Variants in ZNF383 observed in about 807,000 individuals in gnomAD.
ZNF383 encodes zinc finger protein 383.
A neutral mutation model predicts 44.2 loss-of-function variants in ZNF383; 32 were observed. The observed-to-expected ratio is 0.72, with a 90% CI of 0.55 to 0.97. ZNF383 has a LOEUF of 0.97. ZNF383 is among the 50% of genes least tolerant of loss of function. The probability of loss-of-function intolerance (pLI) is 0.00; values close to 1 mark genes in which losing one functional copy is unlikely to be tolerated. For synonymous variants in ZNF383, 155 were observed against 186.2 expected, an observed-to-expected ratio of 0.83 and a Z score of 1.36; for missense variants, 487 against 562.5, an observed-to-expected ratio of 0.87 and a Z score of 1.36.
intron 2 of ZNF383, among the ~76,000 whole-genome samples, chr19:37,225,545 T>C (rs1262742337): frequency 6.6e-6 from 1 of 152,170 alleles, no homozygotes; most frequent in African/African-American, 2.4e-5. Context: ...ACTGTTCTAC[T>C]TTCTGTTTCT....
rs1974437475 is a variant in ZNF383, at chr19:37,248,251, G to A, written c.*4587G>A. 1 of 152,154 alleles carries A rather than the reference G, an allele frequency of 6.6e-6. No individual in the cohort carries two copies. Among genetic ancestry groups the A allele is most frequent in the Non-Finnish European group, 1.5e-5 (1 of 68,024 alleles). 9.4% of individuals were successfully genotyped at this position (152,154 alleles called of 1,614,324 possible). On this transcript the variant is annotated 3_prime_UTR_variant, in exon 6 of 6. Transcript: ENST00000684119. ...TAGGTGAAATCTATGAAATGTCTTAGGAAACTCTTCTAGGACATAGACTGA... is the reference window on the plus strand; with the variant it reads ...TAGGTGAAATCTATGAAATGTCTTAAGAAACTCTTCTAGGACATAGACTGA...
chr19:37,240,538 A>G (rs771830766), intron 5 of ZNF383, among the ~76,000 whole-genome samples: 2 of 152,174 alleles, frequency 1.3e-5, no homozygotes, highest in Non-Finnish European at 2.9e-5. Context: ...CTATGGCAGT[A>G]TGTTGTACTG....
At chr19:37,221,946 ACT>A (rs1481448274) in intron 1 of ZNF383, among the ~76,000 whole-genome samples, 1 of 127,354 alleles carries the variant, frequency 7.9e-6, no homozygotes, top group Non-Finnish European at 1.6e-5. Context: ...ACAGAGCGAG[ACT>A]CTGTCTCAAA....
At chr19:37,236,374 T>G (rs572874354) in intron 5 of ZNF383, among the ~76,000 whole-genome samples, 1 of 151,888 alleles carries the variant, frequency 6.6e-6, no homozygotes, top group Non-Finnish European at 1.5e-5. Flanking sequence ...CTTGCTAGCT[T>G]TTTTTACTCT....
chr19:37,242,637 C>T lies in ZNF383; in HGVS notation c.401C>T (p.Pro134Leu), dbSNP rs1568532815. The T allele has an allele frequency of 6.2e-7, 1 of 1,614,020 alleles. No individual in the cohort carries two copies. Among genetic ancestry groups the T allele is most frequent in the Non-Finnish European group, 8.5e-7 (1 of 1,179,980 alleles). ...RSHLAKQLGY[P>L]NGHFSQEIFT... ...CACCTTGCAAAACAACTGGGATATC[C>T]AAATGGGCATTTTAGTCAAGAAATA... Residue 134 changes from proline to leucine, a missense_variant, in exon 6 of 6, where the codon CCA (proline) becomes CTA (leucine). By Grantham distance (98) the Pro-to-Leu change is moderately conservative. Transcript: ENST00000684119.
chr19:37,231,359 A>G (rs1973479854), intron 3 of ZNF383, among the ~76,000 whole-genome samples: 1 of 152,064 alleles, frequency 6.6e-6, no homozygotes, highest in Non-Finnish European at 1.5e-5. Context: ...CCCCATCTCT[A>G]CTAAAAATAC....
In ZNF383 at chr19:37,247,925, G is replaced by A. The variant is rs971698624; in HGVS notation, c.*4261G>A. ...CAAGGCGGGTGGATCACCTGAGGTC[G>A]GGGATTTGAGACCAGCCTGACCAAC... is the stretch of plus-strand genomic sequence containing the variant. On this transcript the variant is annotated 3_prime_UTR_variant, in exon 6 of 6. Transcript: ENST00000684119. The A allele has an allele frequency of 6.6e-6, 1 of 152,022 alleles. No individual in the cohort carries two copies. The highest frequency in any genetic ancestry group is 2.4e-5 in the African/African-American group (1 of 41,396). 9.4% of individuals were successfully genotyped at this position (152,022 alleles called of 1,614,324 possible).
At position 37,245,474 on chromosome 19, in the gene ZNF383, GTTTGT is replaced by G. The variant is rs895928194; in HGVS notation, c.*1814_*1818del. The G allele has an allele frequency of 2.1e-5, 3 of 146,296 alleles. 1 individual carries two copies. The highest frequency in any genetic ancestry group is 7.8e-5 in the African/African-American group (3 of 38,400). The allele number at this position is 146,296 out of a possible 1,614,324, so 9.1% of individuals were successfully genotyped here. A position where few individuals can be genotyped will look rare whatever the true frequency, so the allele number is the denominator to read the frequency against. On this transcript the variant is annotated 3_prime_UTR_variant, in exon 6 of 6. Transcript: ENST00000684119. ...CAATCCAGATATTAATTTTTTGTTTGTTTGTTTTTTTTTTTTTTTGAGATGGAGTT... is the reference window on the plus strand; with the variant it reads ...CAATCCAGATATTAATTTTTTGTTTGTTTTTTTTTTTTTTGAGATGGAGTT...
Position 37,247,139 on chromosome 19 carries a change from T to C in ZNF383, c.*3475T>C, listed in dbSNP as rs920531296. 2.0e-5 allele frequency: 3 copies of C among 152,150 alleles called. No homozygotes were observed. Among genetic ancestry groups the C allele is most frequent in the African/African-American group, 7.2e-5 (3 of 41,426 alleles). 9.4% of individuals were successfully genotyped at this position (152,150 alleles called of 1,614,324 possible). On this transcript the variant is annotated 3_prime_UTR_variant, in exon 6 of 6. Coordinates refer to ENST00000684119, the MANE Select transcript of ZNF383 (RefSeq NM_001387601.1). ...AGTTTTATAACCTAATATTTGTGCA[T>C]ATATTGTAATACTAGGAAGAAAAAA...
Position 37,242,535 on chromosome 19 carries a change from G to A in ZNF383, c.299G>A (p.Cys100Tyr), listed in dbSNP as rs777353494. 4 of 1,613,852 alleles carry A rather than the reference G, an allele frequency of 2.5e-6. No individual in the cohort carries two copies. In the Admixed American group the frequency reaches 6.7e-5, roughly 27 times the overall value. ...LKKEVYEIEL[C>Y]QREIMGLTKH... ...AAGGAAGTTTATGAAATAGAATTAT[G>A]CCAGAGGGAGATAATGGGACTTACA... Residue 100 changes from cysteine (C) to tyrosine (Y), a missense_variant, in exon 6 of 6, where the codon TGC becomes TAC. Coordinates refer to ENST00000684119, the MANE Select transcript of ZNF383 (RefSeq NM_001387601.1).
intron 2 of ZNF383, among the ~76,000 whole-genome samples, chr19:37,229,147 ATTTTTTTTTTT>A (rs774901192): frequency 1.7e-4 from 20 of 116,882 alleles, no homozygotes; most frequent in Non-Finnish European, 2.6e-4. Context: ...AAAAGGTTGA[ATTTTTTTTTTT>A]TTTTTTTTTT....
At chr19:37,235,723 C>A (rs1214519022) in intron 4 of ZNF383, 48 bp downstream of exon 4, 1 of 1,525,412 alleles carries the variant, frequency 6.6e-7, no homozygotes, top group Non-Finnish European at 8.8e-7. Context: ...TGGAATGTCT[C>A]CTTCTTCCAC....
chr19:37,220,716 GA>G (rs1972883050), intron 1 of ZNF383, among the ~76,000 whole-genome samples: 1 of 152,048 alleles, frequency 6.6e-6, no homozygotes, highest in Admixed American at 6.6e-5. Context: ...CCTTTCCCCA[GA>G]ATAAACTTAT....
chr19:37,240,168 A>G (rs978039588), intron 5 of ZNF383, among the ~76,000 whole-genome samples: 7 of 152,166 alleles, frequency 4.6e-5, no homozygotes, highest in African/African-American at 1.7e-4. Flanking sequence ...AAAAAAAAAA[A>G]AAAAGTTATT....
At chr19:37,226,242 G>A (rs894817708) in intron 2 of ZNF383, among the ~76,000 whole-genome samples, 1 of 152,012 alleles carries the variant, frequency 6.6e-6, no homozygotes, top group African/African-American at 2.4e-5. Flanking sequence ...TTGAGCAGAA[G>A]GTACAGAGAT....
chr19:37,219,360 A>T (rs770350514), intron 1 of ZNF383: 1 of 152,650 alleles, frequency 6.6e-6, no homozygotes, highest in Non-Finnish European at 1.5e-5. Context: ...GGTTCAAGCA[A>T]TTCTCCTGCC....
chr19:37,233,592 G>A (rs1392781186), intron 3 of ZNF383, among the ~76,000 whole-genome samples: 4 of 151,038 alleles, frequency 2.6e-5, no homozygotes, highest in Non-Finnish European at 4.4e-5. Flanking sequence ...ACCACAACTG[G>A]CTAATTTTTG....
At chr19:37,235,462 C>T (rs574386119) in intron 3 of ZNF383, 87 bp from the exon 4 acceptor site, 17 of 1,374,104 alleles carry the variant, frequency 1.2e-5, no homozygotes, top group South Asian at 3.7e-5. Context: ...TATAATGACT[C>T]ATTTTGTATT....
rs1008967445 is a variant in ZNF383 at position 37,247,508 on chromosome 19, T to C, written c.*3844T>C. 11 of 152,168 alleles carry C rather than the reference T, an allele frequency of 7.2e-5. No individual in the cohort carries two copies. The highest frequency in any genetic ancestry group is 1.2e-4 in the Non-Finnish European group (8 of 68,032). The allele number at this position is 152,168 out of a possible 1,614,324, so 9.4% of individuals were successfully genotyped here. On this transcript the variant is annotated 3_prime_UTR_variant, in exon 6 of 6. Transcript: ENST00000684119. Reference sequence around the variant, plus strand: ...ATACACTTTAAAAGGGTGAATATTATGCTGTGTGAATTTGATCTCAATTTA... The same window carrying C: ...ATACACTTTAAAAGGGTGAATATTACGCTGTGTGAATTTGATCTCAATTTA...
Sources: allele counts gnomAD v4.1 joint callset (sites outside exome capture counted in the v4.1 genomes callset), GRCh38; gene constraint gnomAD v4.1.1; transcripts MANE v1.5; gene names NCBI Gene and HGNC (gene_info 2026-07-23, HGNC 2026-07-21).